Variants in ANKRD31 observed in about 807,000 individuals in gnomAD.
ANKRD31 encodes ankyrin repeat domain-containing protein 31.
ANKRD31 carries 147 observed loss-of-function variants against 186.0 expected under a neutral mutation model. The ratio of observed to expected loss-of-function variants is 0.79; its 90% CI spans 0.69 to 0.91. ANKRD31 has a LOEUF of 0.91. Among genes scored for constraint, ANKRD31 ranks in the 40% least tolerant of loss-of-function variants. The probability of loss-of-function intolerance (pLI) is 0.00; values close to 1 mark genes in which losing one functional copy is unlikely to be tolerated. For missense variants in ANKRD31, 1,986 were observed against 2,148.8 expected (o/e 0.92, Z 1.50); for synonymous variants, 673 against 736.4 (o/e 0.91, Z 1.39).
chr5:75,214,825 C>G (rs112992475), intron 3 of ANKRD31, among the ~76,000 whole-genome samples: 1 of 152,146 alleles, frequency 6.6e-6, no homozygotes, highest in African/African-American at 2.4e-5. Context: ...TTCAATTAAT[C>G]TTTACTCCCT....
intron 12 of ANKRD31, among the ~76,000 whole-genome samples, chr5:75,148,983 A>C (rs1217429807): frequency 2.0e-5 from 3 of 151,906 alleles, no homozygotes. Context: ...TATAAGGTGA[A>C]AAATTATTTT....
chr5:75,123,287 C>T (rs1010780296), intron 17 of ANKRD31, among the ~76,000 whole-genome samples: 1 of 151,784 alleles, frequency 6.6e-6, no homozygotes, highest in Non-Finnish European at 1.5e-5. Flanking sequence ...AAAGAAATTG[C>T]AGGGGACATA....
At chr5:75,154,381 T>G (rs1038750434) in intron 11 of ANKRD31, 36 bp from the exon 12 acceptor site, 2 of 1,508,034 alleles carry the variant, frequency 1.3e-6, no homozygotes, top group African/African-American at 2.8e-5. Context: ...GAACCCAGAT[T>G]GAGGGTGTAT....
chr5:75,218,731 G>T (rs75109471), intron 3 of ANKRD31, among the ~76,000 whole-genome samples: 1 of 151,986 alleles, frequency 6.6e-6, no homozygotes, highest in Admixed American at 6.6e-5. Context: ...ATGTGAATTC[G>T]CACAACAAAA....
chr5:75,105,780 T>C (rs1366096482), intron 21 of ANKRD31, among the ~76,000 whole-genome samples: 2 of 152,184 alleles, frequency 1.3e-5, no homozygotes, highest in South Asian at 2.1e-4. Flanking sequence ...AGTTGTATTT[T>C]GAACCTGTAT....
intron 20 of ANKRD31, 114 bp from the exon 21 acceptor site, chr5:75,107,731 C>T (rs1230395248): frequency 1.2e-5 from 7 of 605,720 alleles, no homozygotes; most frequent in Non-Finnish European, 1.7e-5. Context: ...CTATGATCTT[C>T]CCCAATATTA....
intron 10 of ANKRD31, among the ~76,000 whole-genome samples, chr5:75,181,317 G>T (rs550296779): frequency 6.6e-6 from 1 of 152,154 alleles, no homozygotes; most frequent in Non-Finnish European, 1.5e-5. Context: ...CATTGTGGAA[G>T]TCGGTGTGGC....
In ANKRD31 at chr5:75,146,894, C is replaced by T. The variant is rs1751480757; in HGVS notation, c.2517G>A (p.Gly839=). ...VDQTEAVSFP[G]LLLHKEIKLP... ...ACTTGATTTCTTTATGTAATAAAAG[C>T]CCTGGGAAAGAAACAGCTTCAGTTT... The change falls in exon 14 of 26, where the codon GGG becomes GGA. Residue 839 remains glycine, a synonymous_variant. Transcript: ENST00000506364. 2.0e-6 allele frequency: 3 copies of T among 1,536,222 alleles called. No homozygotes were observed. Among genetic ancestry groups the T allele is most frequent in the African/African-American group, 1.4e-5 (1 of 72,980 alleles).
At chr5:75,162,418 C>A (rs60445650) in intron 11 of ANKRD31, among the ~76,000 whole-genome samples, 28,474 of 152,092 alleles carry the variant, frequency 0.19, 3,371 homozygotes, top group African/African-American at 0.34. Context: ...ATGCCTGTAC[C>A]CCCATTGTAT....
At position 75,134,946 on chromosome 5, in the gene ANKRD31, G is replaced by C. The variant is rs186784873; in HGVS notation, c.3876+2910C>G. Reference sequence around the variant, plus strand: ...TGATTATCTCAACAGTTGCAGAAAAGGCCTGCAACAAAAGTCAACAGCCTT... The same window carrying C: ...TGATTATCTCAACAGTTGCAGAAAACGCCTGCAACAAAAGTCAACAGCCTT... On this transcript the variant is annotated intron_variant, in intron 17 of 25. Coordinates refer to ENST00000506364, the MANE Select transcript of ANKRD31 (RefSeq NM_001372053.1). Among the ~76,000 whole-genome samples, 5 of 152,198 alleles carry C rather than the reference G, an allele frequency of 3.3e-5. No homozygotes were observed. In the East Asian group the frequency reaches 7.7e-4, roughly 23 times the overall value.
intron 10 of ANKRD31, among the ~76,000 whole-genome samples, chr5:75,172,797 C>A (rs531567654): frequency 6.6e-6 from 1 of 152,256 alleles, no homozygotes; most frequent in South Asian, 2.1e-4. Flanking sequence ...CAGCCGAATT[C>A]TAACAGAGGT....
intron 15 of ANKRD31, among the ~76,000 whole-genome samples, chr5:75,142,617 C>A (rs906071246): frequency 3.9e-5 from 6 of 152,148 alleles, no homozygotes; most frequent in South Asian, 4.1e-4. Context: ...GTGTTTTCTG[C>A]AAATACTTGT....
rs1743959893 is a variant in ANKRD31, at chr5:75,068,684, C to T, written c.5648-20G>A. 2 of 1,461,808 alleles carry T rather than the reference C, an allele frequency of 1.4e-6. No individual in the cohort carries two copies. Among genetic ancestry groups the T allele is most frequent in the South Asian group, 1.4e-5 (1 of 70,320 alleles). The allele number at this position is 1,461,808 out of a possible 1,614,324, so 90.6% of individuals were successfully genotyped here. The stretch of plus-strand genomic sequence containing the variant: ...AAGTTCCTGTTTAAAGAAGTATCAA[C>T]AAATTAAAAACTGCCCTCTGAAATT... On this transcript the variant is annotated intron_variant, in intron 25 of 25. Coordinates refer to ENST00000506364, the MANE Select transcript of ANKRD31 (RefSeq NM_001372053.1).
At chr5:75,190,057 T>C (rs1478311577) in intron 9 of ANKRD31, among the ~76,000 whole-genome samples, 1 of 151,900 alleles carries the variant, frequency 6.6e-6, no homozygotes, top group Non-Finnish European at 1.5e-5. Flanking sequence ...CTCCAGGGTA[T>C]TGCCCAGGAT....
At chr5:75,151,913 T>C (rs539617202) in intron 12 of ANKRD31, among the ~76,000 whole-genome samples, 1 of 152,218 alleles carries the variant, frequency 6.6e-6, no homozygotes, top group African/African-American at 2.4e-5. Context: ...CCCTGTTTCT[T>C]ATTCATCTTG....
chr5:75,178,685 A>G (rs1561508889), intron 10 of ANKRD31, among the ~76,000 whole-genome samples: 1 of 152,170 alleles, frequency 6.6e-6, no homozygotes, highest in Non-Finnish European at 1.5e-5. Flanking sequence ...TTTGAAACCA[A>G]CGAGAACAAA....
intron 6 of ANKRD31, among the ~76,000 whole-genome samples, chr5:75,197,629 A>G (rs920379531): frequency 1.6e-4 from 24 of 152,326 alleles, no homozygotes; most frequent in Non-Finnish European, 2.4e-4. Context: ...GAAATTCAAG[A>G]ACCAGATCCT....
chr5:75,106,102 G>A (rs57865462), intron 21 of ANKRD31, among the ~76,000 whole-genome samples: 1 of 152,192 alleles, frequency 6.6e-6, no homozygotes, highest in East Asian at 1.9e-4. Context: ...TTAAAACTGA[G>A]AAACTTTTTA....
At chr5:75,112,124 T>C (rs1183728632) in intron 20 of ANKRD31, among the ~76,000 whole-genome samples, 2 of 152,138 alleles carry the variant, frequency 1.3e-5, no homozygotes, top group South Asian at 2.1e-4. Context: ...TTTTTTTTTC[T>C]CTGTCACCCA....
Sources: gnomAD v4.1 joint callset for allele counts (sites outside exome capture counted in the v4.1 genomes callset) on GRCh38, gnomAD v4.1.1 for gene constraint, MANE v1.5 for transcripts, NCBI Gene and HGNC (gene_info 2026-07-23, HGNC 2026-07-21) for gene names.